Variants in OSBP observed in about 807,000 individuals in gnomAD.
The protein encoded by OSBP is oxysterol-binding protein 1.
Under a neutral mutation model 96.6 loss-of-function variants are expected in OSBP, and 32 were observed. The ratio of observed to expected loss-of-function variants is 0.33; its 90% CI spans 0.25 to 0.45. OSBP has a LOEUF of 0.45. Ranked by LOEUF, OSBP falls within the 20% of genes least tolerant of loss-of-function variation. OSBP has a pLI of 1.00. For missense variants in OSBP, 653 were observed against 1,029.7 expected, an observed-to-expected ratio of 0.63 and a Z score of 5.01; for synonymous variants, 369 against 389.6, an observed-to-expected ratio of 0.95 and a Z score of 0.62.
chr11:59,578,157 A>T lies in OSBP; in HGVS notation c.2052T>A (p.Asn684Lys). 6.2e-7 allele frequency: 1 copy of T among 1,614,094 alleles called. No individual in the cohort carries two copies. Among genetic ancestry groups the T allele is most frequent in the Non-Finnish European group, 8.5e-7 (1 of 1,180,006 alleles). ...TGCATGCTGATACTCACGGTAAAGG[A>T]TTCCTTTTCCACAGCATGACCCTGC... ...EESRVMLWKR[N>K]PLPKNAENMY... Residue 684 changes from asparagine (N) to lysine (K), a missense_variant, in exon 12 of 14, where the codon AAT becomes AAA. This residue lies in a region of OSBP where 169 missense variants were observed against 251.5 expected (regional missense o/e 0.67). Transcript: ENST00000263847.
chr11:59,607,897 T>C (rs1860801719), intron 3 of OSBP, among the ~76,000 whole-genome samples: 1 of 152,192 alleles, frequency 6.6e-6, no homozygotes, highest in Admixed American at 6.5e-5. Context: ...GTTGAATATT[T>C]TGTCTTATCA....
chr11:59,588,980 G>A (rs1165989249), intron 9 of OSBP, among the ~76,000 whole-genome samples: 2 of 151,952 alleles, frequency 1.3e-5, no homozygotes, highest in African/African-American at 4.8e-5. Flanking sequence ...ACTCCAGCCT[G>A]GGTGACAGAG....
chr11:59,595,212 T>A (rs1456551454), intron 7 of OSBP: 2 of 152,542 alleles, frequency 1.3e-5, no homozygotes, highest in Non-Finnish European at 2.9e-5. Flanking sequence ...AAATTCACTA[T>A]AAAACAAGTC....
chr11:59,586,866 A>AT, intron 9 of OSBP, among the ~76,000 whole-genome samples: 1 of 152,230 alleles, frequency 6.6e-6, no homozygotes, highest in East Asian at 1.9e-4. Context: ...ATGTACAAAA[A>AT]TTAACTCAAA....
At chr11:59,582,438 G>A (rs116042272) in intron 9 of OSBP, among the ~76,000 whole-genome samples, 199 of 152,300 alleles carry the variant, frequency 1.3e-3, no homozygotes, top group African/African-American at 4.6e-3. Context: ...GGAGGGTGAT[G>A]TGCCCTGATC....
chr11:59,597,865 C>T (rs1860677504), intron 7 of OSBP, among the ~76,000 whole-genome samples: 1 of 152,100 alleles, frequency 6.6e-6, no homozygotes, highest in African/African-American at 2.4e-5. Context: ...GCCACCATGC[C>T]CCACTAATTT....
chr11:59,596,268 A>G (rs542811734), intron 7 of OSBP, among the ~76,000 whole-genome samples: 4 of 152,276 alleles, frequency 2.6e-5, no homozygotes, highest in African/African-American at 7.2e-5. Context: ...ACTACACCCA[A>G]TAAAATCTGT....
intron 1 of OSBP, among the ~76,000 whole-genome samples, chr11:59,612,218 G>C (rs1860858791): frequency 6.6e-6 from 1 of 152,190 alleles, no homozygotes; most frequent in African/African-American, 2.4e-5. Context: ...AATAGTATGG[G>C]AAGGCCAGAA....
rs189720519 is a variant in OSBP, at chr11:59,608,130, C to A, written c.822+354G>T. ...GAAATGAGACAAAAATAAATAAATA[C>A]ATACATACATACATACATACATACA... On this transcript the variant is annotated intron_variant, in intron 3 of 13. Transcript: ENST00000263847. 3.2e-3 allele frequency among the ~76,000 whole-genome samples: 465 copies of A among 147,008 alleles called. 4 individuals are homozygous for A. Among genetic ancestry groups the A allele is most frequent in the African/African-American group, 0.01 (401 of 38,894 alleles).
At chr11:59,594,838 G>C (rs1482094085) in intron 7 of OSBP, among the ~76,000 whole-genome samples, 9 of 152,174 alleles carry the variant, frequency 5.9e-5, no homozygotes, top group African/African-American at 1.9e-4. Context: ...GATGGGGGTT[G>C]AGAGGGGGCT....
rs1383417980 is a variant in OSBP at position 59,608,668 on chromosome 11, G to A, written c.638C>T (p.Thr213Ile). 1.2e-6 allele frequency: 2 copies of A among 1,613,836 alleles called. No homozygotes were observed. The highest frequency in any genetic ancestry group is 1.1e-5 in the South Asian group (1 of 91,076). ...DKTELQNTLR[T>I]LSSKVEDLST... is the part of the protein sequence containing the mutation. ...CAAGTCCTCTACTTTGCTAGAGAGG[G>A]TCCGAAGGGTATTCTGCAGCTCAGT... is the stretch of plus-strand genomic sequence containing the variant. Residue 213 changes from threonine (T) to isoleucine (I), a missense_variant, in exon 3 of 14, where the codon ACC (threonine) becomes ATC (isoleucine). Thr to Ile is a moderately conservative substitution (Grantham distance 89). Coordinates refer to ENST00000263847, the MANE Select transcript of OSBP (RefSeq NM_002556.3).
Position 59,575,676 on chromosome 11 carries a change from C to T in OSBP, c.*901G>A, listed in dbSNP as rs1860353329. ...GGGACAGGCAATGTTTTGCTCCACA[C>T]TGGGGCACAGACCCAAAATGGTACT... On this transcript the variant is annotated 3_prime_UTR_variant, in exon 14 of 14. Transcript: ENST00000263847. 1 of 152,522 alleles carries T rather than the reference C, an allele frequency of 6.6e-6. No individual in the cohort carries two copies. Among genetic ancestry groups the T allele is most frequent in the East Asian group, 1.9e-4 (1 of 5,198 alleles). The allele number at this position is 152,522 out of a possible 1,614,324, so 9.4% of individuals were successfully genotyped here. A position where few individuals can be genotyped will look rare whatever the true frequency, so the allele number is the denominator to read the frequency against.
At chr11:59,609,705 C>A (rs1860821568) in intron 2 of OSBP, among the ~76,000 whole-genome samples, 1 of 152,162 alleles carries the variant, frequency 6.6e-6, no homozygotes, top group South Asian at 2.1e-4. Flanking sequence ...TATGATTAAA[C>A]TATCAATATA....
At chr11:59,601,013 G>A (rs1264787974) in intron 5 of OSBP, 140 bp from the exon 6 acceptor site, 2 of 719,898 alleles carry the variant, frequency 2.8e-6, no homozygotes, top group Non-Finnish European at 4.7e-6. Context: ...ATTTAGAGTA[G>A]GAATGAATTT....
Position 59,601,402 on chromosome 11 carries a change from C to A in OSBP, c.1022-17G>T. The A allele has an allele frequency of 6.4e-7, 1 of 1,566,756 alleles. No individual in the cohort carries two copies. The highest frequency in any genetic ancestry group is 8.8e-7 in the Non-Finnish European group (1 of 1,138,976). On this transcript the variant is annotated splice_polypyrimidine_tract_variant and intron_variant, in intron 4 of 13. Transcript: ENST00000263847. ...AGCACTGATCTACAAGAAGAAAAGC[C>A]CCATTTGTTGACTTTGGTTATCTTT...
intron 7 of OSBP, among the ~76,000 whole-genome samples, chr11:59,594,500 T>C (rs184594060): frequency 2.7e-4 from 41 of 152,306 alleles, no homozygotes; most frequent in Non-Finnish European, 4.4e-4. Flanking sequence ...GCCTCTTCTG[T>C]TGAGTGCTAC....
intron 3 of OSBP, among the ~76,000 whole-genome samples, chr11:59,603,066 C>A (rs1403393968): frequency 1.3e-5 from 2 of 152,220 alleles, no homozygotes; most frequent in African/African-American, 4.8e-5. Context: ...ATCTCCCCAC[C>A]AGTCTCATAA....
chr11:59,587,475 C>G (rs1340203176), intron 9 of OSBP, among the ~76,000 whole-genome samples: 1 of 150,062 alleles, frequency 6.7e-6, no homozygotes, highest in Admixed American at 6.7e-5. Flanking sequence ...GCACTCCAGA[C>G]TGGATGACAG....
intron 1 of OSBP, among the ~76,000 whole-genome samples, chr11:59,614,463 A>G (rs1301746422): frequency 6.6e-6 from 1 of 152,236 alleles, no homozygotes; most frequent in Non-Finnish European, 1.5e-5. Flanking sequence ...TTTTTAGCCC[A>G]AAAGCGTGCC....
Sources: allele counts gnomAD v4.1 joint callset (sites outside exome capture counted in the v4.1 genomes callset), GRCh38; gene constraint gnomAD v4.1.1; regional missense constraint gnomAD v4.1.1; transcripts MANE v1.5; gene names NCBI Gene and HGNC (gene_info 2026-07-23, HGNC 2026-07-21).